The following TENM2 variants were observed in gnomAD, a reference collection of about 807,000 sequenced individuals.
The protein encoded by TENM2 is teneurin-2.
TENM2 carries 52 observed loss-of-function variants against 245.2 expected under a neutral mutation model. The ratio of observed to expected loss-of-function variants is 0.21; its 90% confidence interval spans 0.17 to 0.27. The LOEUF (loss-of-function observed/expected upper bound fraction) is 0.27. Ranked by LOEUF, TENM2 falls within the 10% of genes least tolerant of loss-of-function variation. The pLI is 1.00. For synonymous variants in TENM2, 1,363 were observed against 1,438.9 expected, an observed-to-expected ratio of 0.95 and a Z score of 1.19; for missense variants, 3,046 against 3,666.8, an observed-to-expected ratio of 0.83 and a Z score of 4.37.
At chr5:167,472,074 T>C (rs1478300950) in intron 2 of TENM2, among the ~76,000 whole-genome samples, 2 of 152,070 alleles carry the variant, frequency 1.3e-5, no homozygotes, top group East Asian at 1.9e-4. Flanking sequence ...AAATTGAGAG[T>C]AGAGGCTCCT....
chr5:167,694,695 G>A (rs565887390), intron 2 of TENM2, among the ~76,000 whole-genome samples: 15 of 151,994 alleles, frequency 9.9e-5, no homozygotes, highest in African/African-American at 1.9e-4. Flanking sequence ...TTTGAGAATC[G>A]GGCCCCAGCT....
chr5:166,989,464 T>C, the TENM2 span, among the ~76,000 whole-genome samples: 1 of 151,922 alleles, frequency 6.6e-6, no homozygotes, highest in Admixed American at 6.6e-5. Context: ...TTCACCATGT[T>C]CTCGATCTCC....
intron 9 of TENM2, 51 bp downstream of exon 11, chr5:168,098,178 C>A: frequency 2.3e-6 from 3 of 1,332,330 alleles, no homozygotes; most frequent in Non-Finnish European, 2.1e-6. Flanking sequence ...CCTCCCTAGG[C>A]TTCTCTGAGC....
intron 2 of TENM2, among the ~76,000 whole-genome samples, chr5:167,536,019 T>C (rs1055555101): frequency 2.0e-5 from 3 of 152,112 alleles, no homozygotes; most frequent in African/African-American, 7.2e-5. Context: ...AAGGGACAGC[T>C]TTATCTTATT....
chr5:167,191,065 T>C, the TENM2 span, among the ~76,000 whole-genome samples: 2 of 152,058 alleles, frequency 1.3e-5, no homozygotes, highest in East Asian at 3.9e-4. Flanking sequence ...TGGGACAATT[T>C]GTTTATCCTT....
At chr5:167,719,999 G>T (rs1759522772) in intron 2 of TENM2, among the ~76,000 whole-genome samples, 2 of 152,162 alleles carry the variant, frequency 1.3e-5, no homozygotes, top group South Asian at 2.1e-4. Context: ...TAAAAAGAGG[G>T]GGGGGCTTGG....
intron 20 of TENM2, chr5:168,214,820 G>A (rs1235657505): frequency 3.1e-6 from 2 of 643,746 alleles, no homozygotes; most frequent in South Asian, 3.0e-5. Context: ...GGTGGGAAAT[G>A]AATTTTCTAA....
chr5:167,413,272 A>G (rs1373884696), intron 2 of TENM2, among the ~76,000 whole-genome samples: 2 of 152,138 alleles, frequency 1.3e-5, no homozygotes, highest in Non-Finnish European at 2.9e-5. Context: ...ATGTTAGTAT[A>G]TCTCTGAAAT....
chr5:167,583,278 A>C (rs1382953630), intron 2 of TENM2, among the ~76,000 whole-genome samples: 1 of 152,168 alleles, frequency 6.6e-6, no homozygotes, highest in Non-Finnish European at 1.5e-5. Context: ...TCACACTTGG[A>C]ACTAATCTAT....
chr5:168,025,364 GTGTT>G (rs1489744116), intron 5 of TENM2, among the ~76,000 whole-genome samples: 1 of 152,206 alleles, frequency 6.6e-6, no homozygotes, highest in Admixed American at 6.5e-5. Context: ...AAGTGGAAAA[GTGTT>G]TGACACTTCC....
chr5:167,874,272 C>T (rs1023596060), intron 2 of TENM2, among the ~76,000 whole-genome samples: 5 of 152,132 alleles, frequency 3.3e-5, no homozygotes, highest in Non-Finnish European at 5.9e-5. Flanking sequence ...TCTCTGAGGG[C>T]AGGGGTGGTG....
chr5:168,082,799 A>C (rs754240639), intron 7 of TENM2, among the ~76,000 whole-genome samples: 21 of 152,092 alleles, frequency 1.4e-4, no homozygotes, highest in Non-Finnish European at 3.1e-4. Context: ...TTGCTGCCTG[A>C]TCCTTCCTCT....
intron 8 of TENM2, among the ~76,000 whole-genome samples, chr5:168,096,419 A>C (rs1793377307): frequency 6.6e-6 from 1 of 152,230 alleles, no homozygotes; most frequent in Admixed American, 6.5e-5. Context: ...TTTCAGTCTG[A>C]AATGTTAATT....
chr5:168,244,726 C>T lies in TENM2; in HGVS notation c.5817+10C>T. On this transcript the variant is annotated intron_variant, in intron 26 of 28. Transcript: ENST00000518659. This position sits in a 1 kb window ranked among gnomAD's most constrained non-coding sequence, Gnocchi z 4.9. ...CTCCTACCTTGACAAGGTAGGTGAA[C>T]ATGCTGCCCTGACAGCAAGGGCTTT... The T allele has an allele frequency of 7.1e-7, 1 of 1,415,590 alleles. No individual in the cohort carries two copies. Among genetic ancestry groups the T allele is most frequent in the Non-Finnish European group, 9.3e-7 (1 of 1,074,418 alleles). The allele number at this position is 1,415,590 out of a possible 1,614,324, so 87.7% of individuals were successfully genotyped here. A position where few individuals can be genotyped will look rare whatever the true frequency, so the allele number is the denominator to read the frequency against.
intron 3 of TENM2, among the ~76,000 whole-genome samples, chr5:167,902,198 A>G (rs1160082926): frequency 6.6e-6 from 1 of 152,072 alleles, no homozygotes; most frequent in Non-Finnish European, 1.5e-5. Context: ...ATGGGCATGT[A>G]CCCTCTGTCC....
intron 2 of TENM2, among the ~76,000 whole-genome samples, chr5:167,645,300 G>A (rs1026780085): frequency 4.6e-5 from 7 of 152,110 alleles, no homozygotes; most frequent in Non-Finnish European, 8.8e-5. Flanking sequence ...ACTCATGACC[G>A]GGTGAAGGAG....
chr5:167,248,336 G>A, the TENM2 span, among the ~76,000 whole-genome samples: 7 of 152,226 alleles, frequency 4.6e-5, no homozygotes, highest in East Asian at 1.9e-4. Flanking sequence ...GTGAGTGTGC[G>A]TTGTGCTGAT....
At chr5:167,786,655 G>A (rs80278100) in intron 2 of TENM2, among the ~76,000 whole-genome samples, 1 of 152,182 alleles carries the variant, frequency 6.6e-6, no homozygotes, top group African/African-American at 2.4e-5. Flanking sequence ...TGGAAATAAG[G>A]AGAAAAGATT....
intron 3 of TENM2, among the ~76,000 whole-genome samples, chr5:167,933,095 G>A (rs372139242): frequency 6.6e-6 from 1 of 152,136 alleles, no homozygotes; most frequent in Non-Finnish European, 1.5e-5. Flanking sequence ...TTCAGAGCAC[G>A]GTCAGTGTTC....
Sources: gnomAD v4.1 joint callset for allele counts (sites outside exome capture counted in the v4.1 genomes callset) on GRCh38, gnomAD v4.1.1 for gene constraint, Gnocchi (gnomAD v3.1) non-coding constraint, MANE v1.5 for transcripts, NCBI Gene and HGNC (gene_info 2026-07-23, HGNC 2026-07-21) for gene names.